The following GRID2 variants were observed in gnomAD, a reference collection of about 807,000 sequenced individuals.
The protein encoded by GRID2 is glutamate ionotropic receptor delta type subunit 2.
In GRID2, 33 loss-of-function variants were observed where a neutral mutation model predicts 114.8. The observed-to-expected ratio is 0.29, with a 90% CI of 0.22 to 0.38. The LOEUF is 0.38. GRID2 is among the 10% of genes least tolerant of loss of function. GRID2 has a pLI of 1.00. For synonymous variants in GRID2, 505 were observed against 449.9 expected (o/e 1.12, Z -1.55); for missense variants, 1,184 against 1,257.7 (o/e 0.94, Z 0.89).
intron 2 of GRID2, among the ~76,000 whole-genome samples, chr4:92,713,604 AT>A (rs1384647737): frequency 2.0e-5 from 3 of 149,362 alleles, no homozygotes; most frequent in Non-Finnish European, 4.4e-5. Context: ...ACACTGGGCA[AT>A]TTGCAAAAGA....
At chr4:92,331,599 A>C (rs528049496) in intron 1 of GRID2, among the ~76,000 whole-genome samples, 2 of 152,334 alleles carry the variant, frequency 1.3e-5, no homozygotes, top group South Asian at 4.1e-4. Flanking sequence ...TATTTCTTCT[A>C]AATTCAGAAA....
rs527472053 is a variant in GRID2, at chr4:93,341,294, A to C, written c.1246-54313A>C. ...TAAAACTTTTTTTTCCCCTTTAAAC[A>C]ATTGTAATTTGTAGCCTCTTAGTCC... On this transcript the variant is annotated intron_variant, in intron 8 of 15. Transcript: ENST00000282020. Among the ~76,000 whole-genome samples, 3 of 151,616 alleles carry C rather than the reference A, an allele frequency of 2.0e-5. No homozygotes were observed. The East Asian group carries it at 5.8e-4, about 29-fold the overall frequency.
chr4:92,539,333 G>A (rs776609839), intron 1 of GRID2, among the ~76,000 whole-genome samples: 7 of 152,004 alleles, frequency 4.6e-5, no homozygotes, highest in South Asian at 2.1e-4. Flanking sequence ...CTATAAAATG[G>A]TGGCCTTTTC....
chr4:93,385,875 G>T (rs543885890), intron 8 of GRID2, among the ~76,000 whole-genome samples: 1 of 151,926 alleles, frequency 6.6e-6, no homozygotes, highest in South Asian at 2.1e-4. Flanking sequence ...CCATCCTAAT[G>T]TTCTTTACTT....
At position 93,224,794 on chromosome 4, in the gene GRID2, T is replaced by C. The variant is rs1455346610; in HGVS notation, c.1125+19T>C. On this transcript the variant is annotated intron_variant, in intron 7 of 15. Coordinates refer to ENST00000282020, the MANE Select transcript of GRID2 (RefSeq NM_001510.4). ...CAAGAAGGTAACTTCTTAATTTTCA[T>C]GTAAAAAGGATATGGTAAATAATTA... 6.4e-7 allele frequency: 1 copy of C among 1,554,242 alleles called. No homozygotes were observed. Among genetic ancestry groups the C allele is most frequent in the African/African-American group, 1.4e-5 (1 of 73,220 alleles).
At chr4:92,424,731 G>GA (rs1269600751) in intron 1 of GRID2, among the ~76,000 whole-genome samples, 2,410 of 138,540 alleles carry the variant, frequency 0.017, 35 homozygotes, top group African/African-American at 0.043. Flanking sequence ...CTTTTGAACT[G>GA]AAAAAAAAAA....
intron 2 of GRID2, among the ~76,000 whole-genome samples, chr4:92,800,232 C>T (rs1011518829): frequency 1.3e-5 from 2 of 151,382 alleles, no homozygotes; most frequent in Non-Finnish European, 2.9e-5. Flanking sequence ...TGAAGTTAGA[C>T]TAACTGGGAA....
At chr4:92,961,911 T>G (rs1176582335) in intron 2 of GRID2, among the ~76,000 whole-genome samples, 4 of 151,794 alleles carry the variant, frequency 2.6e-5, no homozygotes, top group Non-Finnish European at 5.9e-5. Flanking sequence ...GAAATATCCT[T>G]AAGCTCAGGT....
intron 6 of GRID2, among the ~76,000 whole-genome samples, chr4:93,220,734 T>A (rs1480611895): frequency 1.3e-5 from 2 of 152,150 alleles, no homozygotes; most frequent in Non-Finnish European, 2.9e-5. Flanking sequence ...TAGAACCAGA[T>A]GAATATTCAA....
chr4:92,459,820 A>T (rs1359750416), intron 1 of GRID2, among the ~76,000 whole-genome samples: 1 of 151,134 alleles, frequency 6.6e-6, no homozygotes, highest in African/African-American at 2.4e-5. Context: ...AAAGCAGATG[A>T]CCCTCTATAG....
intron 2 of GRID2, among the ~76,000 whole-genome samples, chr4:92,696,711 A>G (rs1053752637): frequency 6.6e-6 from 1 of 152,140 alleles, no homozygotes; most frequent in Non-Finnish European, 1.5e-5. Context: ...AAGGCTGTAG[A>G]GAGGGGTATG....
chr4:92,359,795 C>T lies in GRID2; in HGVS notation c.88+55051C>T, dbSNP rs1156594864. On this transcript the variant is annotated intron_variant, in intron 1 of 15. Coordinates refer to ENST00000282020, the MANE Select transcript of GRID2 (RefSeq NM_001510.4). ...GTCTAGTTGCCAACTCAATGAAAGGCTTTAAAAGCTTGCCAAAACATTTTT... is the reference window on the plus strand; with the variant it reads ...GTCTAGTTGCCAACTCAATGAAAGGTTTTAAAAGCTTGCCAAAACATTTTT... Among the ~76,000 whole-genome samples the T allele has an allele frequency of 2.6e-5, 4 of 151,902 alleles. No homozygotes were observed. In the East Asian group the frequency reaches 7.8e-4, roughly 30 times the overall value.
At chr4:93,559,005 T>C (rs184016652) in intron 13 of GRID2, among the ~76,000 whole-genome samples, 28 of 152,146 alleles carry the variant, frequency 1.8e-4, no homozygotes, top group Admixed American at 1.8e-3. Flanking sequence ...TCTCAATAGA[T>C]GCAGAAAAGG....
At chr4:92,315,934 C>T (rs905075978) in intron 1 of GRID2, among the ~76,000 whole-genome samples, 7 of 143,296 alleles carry the variant, frequency 4.9e-5, no homozygotes, top group Non-Finnish European at 7.5e-5. Flanking sequence ...CGCACCATTG[C>T]ACTCCAGCCT....
chr4:93,069,232 A>G lies in GRID2; in HGVS notation c.245-15763A>G, dbSNP rs141214096. Among the ~76,000 whole-genome samples the G allele has an allele frequency of 2.9e-4, 44 of 150,128 alleles. No homozygotes were observed. The East Asian group carries it at 8.5e-3, about 29-fold the overall frequency. On this transcript the variant is annotated intron_variant, in intron 2 of 15. Coordinates refer to ENST00000282020, the MANE Select transcript of GRID2 (RefSeq NM_001510.4). ...TCCAAACTATATCAATCCATGTAATATTAATATATAATTATATATTATATA... is the reference window on the plus strand; with the variant it reads ...TCCAAACTATATCAATCCATGTAATGTTAATATATAATTATATATTATATA...
In GRID2 at chr4:92,512,047, A is replaced by AT. The variant is rs34500769; in HGVS notation, c.89-78073dup. On this transcript the variant is annotated intron_variant, in intron 1 of 15. Transcript: ENST00000282020. ...ATTTATCCAAGACAATGACCATTCT[A>AT]TTTTTTTTTTTCTTATGTAAGGTAC... Among the ~76,000 whole-genome samples, 70 of 148,124 alleles carry AT rather than the reference A, an allele frequency of 4.7e-4. 1 individual carries two copies. In the South Asian group the frequency reaches 4.9e-3, roughly 10 times the overall value.
At chr4:93,342,506 T>G (rs1383966366) in intron 8 of GRID2, among the ~76,000 whole-genome samples, 1 of 152,188 alleles carries the variant, frequency 6.6e-6, no homozygotes, top group African/African-American at 2.4e-5. Flanking sequence ...CTCTTCACAA[T>G]TTGTAATGAT....
intron 1 of GRID2, among the ~76,000 whole-genome samples, chr4:92,550,615 A>G (rs1017673686): frequency 9.2e-5 from 14 of 152,272 alleles, no homozygotes; most frequent in African/African-American, 3.1e-4. Context: ...AGGCTTGAAG[A>G]GCTTGCTCTG....
chr4:93,269,315 G>A (rs993170954), intron 8 of GRID2, among the ~76,000 whole-genome samples: 4 of 152,078 alleles, frequency 2.6e-5, no homozygotes, highest in African/African-American at 7.2e-5. Context: ...AAAAGTTTTT[G>A]GTTAATTTTA....
Sources: allele counts gnomAD v4.1 joint callset (sites outside exome capture counted in the v4.1 genomes callset), GRCh38; gene constraint gnomAD v4.1.1; transcripts MANE v1.5; gene names NCBI Gene and HGNC (gene_info 2026-07-23, HGNC 2026-07-21).